The following SHISA9 variants were observed in gnomAD, a reference collection of about 807,000 sequenced individuals.
The protein encoded by SHISA9 is shisa family member 9, also known as protein shisa-9.
Under a neutral mutation model 38.0 loss-of-function variants are expected in SHISA9, and 13 were observed. The observed-to-expected ratio is 0.34, with a 90% CI of 0.22 to 0.54. SHISA9 has a LOEUF of 0.54. Ranked by LOEUF, SHISA9 falls within the 20% of genes least tolerant of loss-of-function variation. The pLI, the probability that SHISA9 is intolerant of heterozygous loss-of-function variation, is 0.91. For synonymous variants in SHISA9, 275 were observed against 242.0 expected (o/e 1.14, Z -1.27); for missense variants, 538 against 575.8 (o/e 0.93, Z 0.67).
At chr16:13,263,198 A>C in the SHISA9 span, among the ~76,000 whole-genome samples, 1 of 152,190 alleles carries the variant, frequency 6.6e-6, no homozygotes, top group Non-Finnish European at 1.5e-5. Flanking sequence ...GGAATTCGGC[A>C]AGGACTTTTA....
the SHISA9 span, among the ~76,000 whole-genome samples, chr16:13,453,796 T>G: frequency 1.3e-5 from 2 of 152,214 alleles, no homozygotes; most frequent in Non-Finnish European, 2.9e-5. Context: ...TGGTTGGTTG[T>G]TGTCTGATAG....
the SHISA9 span, among the ~76,000 whole-genome samples, chr16:13,278,050 G>A: frequency 1.3e-5 from 2 of 151,966 alleles, no homozygotes; most frequent in Admixed American, 1.3e-4. Flanking sequence ...TTGGCTGTGG[G>A]TTTGTCATAG....
At chr16:12,931,909 G>T (rs1361502049) in intron 2 of SHISA9, among the ~76,000 whole-genome samples, 1 of 152,190 alleles carries the variant, frequency 6.6e-6, no homozygotes, top group African/African-American at 2.4e-5. Context: ...CTTGAATTGT[G>T]CTTCCCATAA....
the SHISA9 span, among the ~76,000 whole-genome samples, chr16:13,450,665 T>C: frequency 6.6e-6 from 1 of 152,222 alleles, no homozygotes; most frequent in African/African-American, 2.4e-5. Context: ...ATCTCCAATT[T>C]TACAAGACAG....
chr16:13,366,799 AT>A, the SHISA9 span, among the ~76,000 whole-genome samples: 1 of 152,188 alleles, frequency 6.6e-6, no homozygotes, highest in Non-Finnish European at 1.5e-5. Flanking sequence ...CCTGGCCAAC[AT>A]GGTGAAACCC....
At chr16:13,256,750 G>A in the SHISA9 span, among the ~76,000 whole-genome samples, 1 of 152,202 alleles carries the variant, frequency 6.6e-6, no homozygotes, top group African/African-American at 2.4e-5. Flanking sequence ...GGAAATGAAT[G>A]AATATTTCTT....
the SHISA9 span, among the ~76,000 whole-genome samples, chr16:13,546,923 A>G: frequency 1.3e-5 from 2 of 152,162 alleles, no homozygotes; most frequent in African/African-American, 4.8e-5. Flanking sequence ...TGGCTCATCC[A>G]TGCAACTCTC....
intron 2 of SHISA9, among the ~76,000 whole-genome samples, chr16:13,015,674 T>C (rs912185730): frequency 6.6e-6 from 1 of 152,134 alleles, no homozygotes; most frequent in Admixed American, 6.5e-5. Context: ...AGTTGGTAGC[T>C]GAAGGGGACT....
chr16:13,241,414 G>A (rs958400953), downstream of SHISA9, among the ~76,000 whole-genome samples: 1 of 152,184 alleles, frequency 6.6e-6, no homozygotes, highest in African/African-American at 2.4e-5. Flanking sequence ...GCTGAGGCAG[G>A]AGAATCGCTT....
At chr16:13,456,169 T>G in the SHISA9 span, among the ~76,000 whole-genome samples, 1 of 152,354 alleles carries the variant, frequency 6.6e-6, no homozygotes, top group East Asian at 1.9e-4. Flanking sequence ...GCCAATTTCT[T>G]GTGAATCTGA....
At chr16:13,001,476 CA>C (rs766984457) in intron 2 of SHISA9, among the ~76,000 whole-genome samples, 48 of 152,230 alleles carry the variant, frequency 3.2e-4, no homozygotes, top group Non-Finnish European at 5.4e-4. Flanking sequence ...ATGTTGGCTT[CA>C]GAAAGAATCT....
In SHISA9 at chr16:12,975,662, G is replaced by GGC. The variant is rs1555451393; in HGVS notation, c.691+58848_691+58849insCG. Among the ~76,000 whole-genome samples, 178 of 142,272 alleles carry GGC rather than the reference G, an allele frequency of 1.3e-3. 4 individuals carry two copies. The East Asian group carries it at 0.018, about 14-fold the overall frequency. The allele number at this position is 142,272 out of a possible 152,430, so 93.3% of individuals were successfully genotyped here. ...GGGTGGGGTGGGACGGGGGCGGGGG[G>GGC]GGTAAGGGCATGTCACTATGAATAG... On this transcript the variant is annotated intron_variant, in intron 2 of 4. Transcript: ENST00000558583.
At chr16:13,137,761 C>G (rs975592544) in intron 2 of SHISA9, among the ~76,000 whole-genome samples, 2 of 152,080 alleles carry the variant, frequency 1.3e-5, no homozygotes. Flanking sequence ...GCTGGAGGAT[C>G]AAATCTTTAA....
chr16:13,463,719 G>A, the SHISA9 span, among the ~76,000 whole-genome samples: 2 of 152,170 alleles, frequency 1.3e-5, no homozygotes, highest in African/African-American at 2.4e-5. Flanking sequence ...TTGTGGCTGG[G>A]ACAGGACTGC....
At chr16:13,280,117 C>CTTTTTTTTTTTTTTTTT in the SHISA9 span, among the ~76,000 whole-genome samples, 45 of 102,844 alleles carry the variant, frequency 4.4e-4, no homozygotes, top group Middle Eastern at 5.6e-3. Context: ...CTCTCTTTCT[C>CTTTTTTTTTTTTTTTTT]TTTTTTTTTT....
the SHISA9 span, among the ~76,000 whole-genome samples, chr16:13,272,753 AAC>A: frequency 6.6e-6 from 1 of 152,240 alleles, no homozygotes; most frequent in East Asian, 1.9e-4. Flanking sequence ...GAAGATGTAC[AAC>A]AGTTATTAAT....
the SHISA9 span, among the ~76,000 whole-genome samples, chr16:13,259,876 G>A: frequency 6.6e-6 from 1 of 152,018 alleles, no homozygotes; most frequent in Non-Finnish European, 1.5e-5. Flanking sequence ...CTGCCATGAA[G>A]GTCTCTGACA....
At chr16:13,349,226 G>A in the SHISA9 span, among the ~76,000 whole-genome samples, 252 of 152,268 alleles carry the variant, frequency 1.7e-3, 1 homozygote, top group South Asian at 0.012. Context: ...AGGCAGCATC[G>A]GTTTAGATTT....
rs142164944 is a variant in SHISA9 at position 13,077,061 on chromosome 16, G to A, written c.692-126333G>A. The stretch of plus-strand genomic sequence containing the variant: ...GGGCTTACTCACTGGAAAGAGCCAG[G>A]GATACCTCACAGATGCCAAGGGCAA... On this transcript the variant is annotated intron_variant, in intron 2 of 4. Transcript: ENST00000558583. Among the ~76,000 whole-genome samples, 624 of 152,224 alleles carry A rather than the reference G, an allele frequency of 4.1e-3. 5 individuals carry two copies. Among genetic ancestry groups the A allele is most frequent in the African/African-American group, 0.014 (593 of 41,530 alleles).
Sources: allele counts gnomAD v4.1 joint callset (sites outside exome capture counted in the v4.1 genomes callset), GRCh38; gene constraint gnomAD v4.1.1; transcripts MANE v1.5; gene names NCBI Gene and HGNC (gene_info 2026-07-23, HGNC 2026-07-21).